Variants in GPHN observed in about 807,000 individuals in gnomAD.
The protein encoded by GPHN is gephyrin.
GPHN carries 17 observed loss-of-function variants against 95.5 expected under a neutral mutation model. The observed-to-expected ratio is 0.18, with a 90% CI of 0.12 to 0.27. The LOEUF is 0.27. GPHN is among the 10% of genes least tolerant of loss of function. GPHN has a pLI of 1.00. For synonymous variants in GPHN, 320 were observed against 322.5 expected (o/e 0.99, Z 0.08); for missense variants, 660 against 978.1 (o/e 0.67, Z 4.34).
chr14:67,188,774 T>TTTCCTTCCTTCCTTCC, the GPHN span, among the ~76,000 whole-genome samples: 964 of 151,058 alleles, frequency 6.4e-3, 4 homozygotes, highest in African/African-American at 0.022. Context: ...CTCAGTTTCT[T>TTTCCTTCCTTCCTTCC]TTCCTTCCTT....
At chr14:67,042,131 T>C (rs978316223) in intron 10 of GPHN, among the ~76,000 whole-genome samples, 1 of 151,948 alleles carries the variant, frequency 6.6e-6, no homozygotes, top group African/African-American at 2.4e-5. Flanking sequence ...GTCAGATGAG[T>C]AGATTGCAAA....
At chr14:67,258,017 CT>C in the GPHN span, among the ~76,000 whole-genome samples, 2 of 151,850 alleles carry the variant, frequency 1.3e-5, no homozygotes, top group Non-Finnish European at 2.9e-5. Context: ...GGAAAAATCT[CT>C]CTCCTCTTGA....
the GPHN span, chr14:67,656,528 G>GT: frequency 6.2e-7 from 1 of 1,613,860 alleles, no homozygotes; most frequent in Non-Finnish European, 8.5e-7. Flanking sequence ...AATACTTTGG[G>GT]TGGCCCGGTT....
At position 66,922,781 on chromosome 14, in the gene GPHN, C is replaced by A. The variant is rs780211095; in HGVS notation, c.572C>A (p.Pro191His). 6.2e-7 allele frequency: 1 copy of A among 1,613,502 alleles called. No homozygotes were observed. The highest frequency in any genetic ancestry group is 1.7e-4 in the Middle Eastern group (1 of 6,056). ...DELEDLPSPP[P>H]PLSPPPTTSP... ...CTTGAAGATTTGCCTTCCCCACCTC[C>A]CCCTCTTTCCCCTCCTCCTACTACC... is the stretch of plus-strand genomic sequence containing the variant. The change falls in exon 7 of 23, where the codon CCC becomes CAC. Residue 191 changes from proline to histidine, a missense_variant. Around this residue, in one of 6 missense-constraint regions of GPHN, gnomAD observed 190 missense variants for 224.7 expected, o/e 0.85. Coordinates refer to ENST00000478722, the MANE Select transcript of GPHN (RefSeq NM_020806.5).
chr14:67,103,125 C>G (rs1357617001), intron 13 of GPHN, among the ~76,000 whole-genome samples: 1 of 152,134 alleles, frequency 6.6e-6, no homozygotes, highest in Admixed American at 6.5e-5. Context: ...TGTTGCCCAG[C>G]ATGATCTCAG....
intron 1 of GPHN, among the ~76,000 whole-genome samples, chr14:66,583,361 T>C (rs1013374977): frequency 2.6e-5 from 4 of 152,186 alleles, no homozygotes; most frequent in African/African-American, 7.2e-5. Flanking sequence ...TGGTAGTTTC[T>C]TTTGCTGTGC....
At chr14:67,683,300 A>G in the GPHN span, among the ~76,000 whole-genome samples, 1 of 152,016 alleles carries the variant, frequency 6.6e-6, no homozygotes, top group Admixed American at 6.5e-5. Flanking sequence ...TTTTTCTTAA[A>G]ATCTCTAGGG....
At chr14:67,238,001 A>G in the GPHN span, among the ~76,000 whole-genome samples, 1 of 152,160 alleles carries the variant, frequency 6.6e-6, no homozygotes, top group Non-Finnish European at 1.5e-5. Flanking sequence ...ACTAGGGGGA[A>G]AAAAGTAGTT....
the GPHN span, among the ~76,000 whole-genome samples, chr14:67,430,301 G>C: frequency 6.6e-6 from 1 of 152,162 alleles, no homozygotes; most frequent in African/African-American, 2.4e-5. Context: ...AGATTATAGG[G>C]AATAACATAC....
chr14:67,650,854 C>T, the GPHN span: 1 of 1,614,206 alleles, frequency 6.2e-7, no homozygotes, highest in Non-Finnish European at 8.5e-7. Context: ...GGCATATTGT[C>T]TATGACCAAC....
At chr14:66,685,930 G>C (rs1330553682) in intron 2 of GPHN, among the ~76,000 whole-genome samples, 9 of 152,186 alleles carry the variant, frequency 5.9e-5, no homozygotes, top group African/African-American at 1.9e-4. Context: ...TGTATAAGGT[G>C]TAAGGAACGG....
chr14:67,362,145 A>G, the GPHN span, among the ~76,000 whole-genome samples: 2 of 150,906 alleles, frequency 1.3e-5, no homozygotes, highest in African/African-American at 2.4e-5. Flanking sequence ...CTCAGCCACT[A>G]TAGTAGTGGG....
the GPHN span, among the ~76,000 whole-genome samples, chr14:67,224,291 C>G: frequency 6.9e-6 from 1 of 144,896 alleles, no homozygotes; most frequent in East Asian, 2.1e-4. Context: ...CAGAGTCTTA[C>G]TCTGTCGCCC....
At chr14:67,321,080 CAAG>C in the GPHN span, 1 of 1,614,052 alleles carries the variant, frequency 6.2e-7, no homozygotes, top group East Asian at 2.2e-5. Flanking sequence ...TAGGCGAGAC[CAAG>C]AAGTAGCCGG....
At chr14:66,652,640 G>A (rs2065100567) in intron 1 of GPHN, among the ~76,000 whole-genome samples, 1 of 151,934 alleles carries the variant, frequency 6.6e-6, no homozygotes, top group African/African-American at 2.4e-5. Context: ...TTGGCTGAGA[G>A]CTATTGAATC....
intron 11 of GPHN, among the ~76,000 whole-genome samples, chr14:67,088,265 TAAA>T (rs1307357457): frequency 6.6e-6 from 1 of 152,118 alleles, no homozygotes. Flanking sequence ...GCAAAGGGAA[TAAA>T]AAACATAAAT....
intron 3 of GPHN, among the ~76,000 whole-genome samples, chr14:66,794,695 CTT>C (rs2060095516): frequency 1.3e-5 from 2 of 152,110 alleles, no homozygotes; most frequent in African/African-American, 4.8e-5. Context: ...ATTTCTGAAA[CTT>C]CCTTTATGGC....
the GPHN span, among the ~76,000 whole-genome samples, chr14:67,666,600 A>G: frequency 6.6e-6 from 1 of 152,268 alleles, no homozygotes; most frequent in Non-Finnish European, 1.5e-5. Context: ...GAGAGGGATC[A>G]ATAGCAGCTT....
At chr14:67,696,566 G>A in the GPHN span, among the ~76,000 whole-genome samples, 6 of 152,132 alleles carry the variant, frequency 3.9e-5, no homozygotes, top group African/African-American at 9.7e-5. Context: ...ATAGAATATC[G>A]TCTTCCTGAT....
Sources: allele counts gnomAD v4.1 joint callset (sites outside exome capture counted in the v4.1 genomes callset), GRCh38; gene constraint gnomAD v4.1.1; regional missense constraint gnomAD v4.1.1; transcripts MANE v1.5; gene names NCBI Gene and HGNC (gene_info 2026-07-23, HGNC 2026-07-21).